The following TRPM3 variants were observed in gnomAD, a reference collection of about 807,000 sequenced individuals.
TRPM3 encodes the protein long transient receptor potential channel 3.
Under a neutral mutation model 181.2 loss-of-function variants are expected in TRPM3, and 77 were observed. That is an observed-to-expected ratio of 0.42 (90% CI 0.35 to 0.51). TRPM3 has a LOEUF of 0.51. Ranked by LOEUF, TRPM3 falls within the 20% of genes least tolerant of loss-of-function variation. TRPM3 has a pLI of 0.01. For missense variants in TRPM3, 1,759 were observed against 2,196.7 expected (o/e 0.80, Z 3.98); for synonymous variants, 745 against 796.4 (o/e 0.94, Z 1.09).
chr9:70,745,118 T>G (rs1008053668), intron 8 of TRPM3, among the ~76,000 whole-genome samples: 1 of 152,138 alleles, frequency 6.6e-6, no homozygotes. Context: ...ATAAAAATAT[T>G]TATTGAGTGC....
At chr9:70,638,936 T>C in intron 11 of TRPM3, 124 bp downstream of exon 11, 9 of 1,115,486 alleles carry the variant, frequency 8.1e-6, no homozygotes, top group Non-Finnish European at 1.1e-5. Flanking sequence ...AAGGGAGTAT[T>C]TGTGATGAAT....
intron 6 of TRPM3, among the ~76,000 whole-genome samples, chr9:70,784,801 T>C (rs1256828695): frequency 6.6e-6 from 1 of 152,224 alleles, no homozygotes; most frequent in Non-Finnish European, 1.5e-5. Flanking sequence ...TATTTTAACT[T>C]GTTGAATCAA....
chr9:71,113,768 A>C (rs1361037267), intron 1 of TRPM3, among the ~76,000 whole-genome samples: 4 of 152,224 alleles, frequency 2.6e-5, no homozygotes, highest in African/African-American at 9.6e-5. Context: ...CTCAATTTTT[A>C]ACAATAAAAA....
chr9:71,077,324 A>G (rs140989221), intron 1 of TRPM3, among the ~76,000 whole-genome samples: 10 of 152,212 alleles, frequency 6.6e-5, no homozygotes, highest in African/African-American at 2.2e-4. Context: ...CCTCCCTCCA[A>G]AGATTACTGA....
chr9:71,234,595 C>T (rs1190390257), intron 1 of TRPM3, among the ~76,000 whole-genome samples: 1 of 152,166 alleles, frequency 6.6e-6, no homozygotes, highest in Non-Finnish European at 1.5e-5. Flanking sequence ...CTCTCGGCGT[C>T]TTCACAAGGT....
chr9:71,133,523 T>C (rs2074510082), intron 1 of TRPM3, among the ~76,000 whole-genome samples: 1 of 91,458 alleles, frequency 1.1e-5, no homozygotes, highest in South Asian at 3.5e-4. Flanking sequence ...GGTCTAGAAC[T>C]CCCAACTTAG....
intron 6 of TRPM3, among the ~76,000 whole-genome samples, chr9:70,791,269 T>G (rs1411465616): frequency 6.6e-6 from 1 of 152,182 alleles, no homozygotes; most frequent in Non-Finnish European, 1.5e-5. Context: ...GCACCTAAAT[T>G]GATGCTCAGG....
chr9:70,835,097 T>C (rs1473531065), intron 5 of TRPM3, among the ~76,000 whole-genome samples: 1 of 152,094 alleles, frequency 6.6e-6, no homozygotes. Flanking sequence ...GCTCCCTCTC[T>C]CGTTATGTGG....
chr9:71,327,888 A>G (rs550286087), intron 1 of TRPM3, among the ~76,000 whole-genome samples: 1 of 152,262 alleles, frequency 6.6e-6, no homozygotes, highest in South Asian at 2.1e-4. Flanking sequence ...AGTGTCAACT[A>G]TGTGTGGTAC....
chr9:71,245,417 C>G (rs1397778464), intron 1 of TRPM3, among the ~76,000 whole-genome samples: 2 of 141,634 alleles, frequency 1.4e-5, no homozygotes, highest in Non-Finnish European at 3.0e-5. Context: ...GCACTCCAGT[C>G]TGGGTGAGAG....
intron 1 of TRPM3, among the ~76,000 whole-genome samples, chr9:71,078,495 G>C (rs902969045): frequency 3.3e-5 from 5 of 152,086 alleles, no homozygotes; most frequent in Admixed American, 2.0e-4. Flanking sequence ...ATTTTTCATG[G>C]AATGCTTTCT....
Position 71,420,991 on chromosome 9 carries a change from G to GAGAGAAAAAGAGAGAAAA in TRPM3, c.183+25644_183+25661dup, listed in dbSNP as rs1563912595. On this transcript the variant is annotated intron_variant, in intron 1 of 24. Coordinates refer to the TRPM3 transcript ENST00000357533. ...GGAGAGAAAAAGAGAGAGAAAAAGA[G>GAGAGAAAAAGAGAGAAAA]AGAGAAAAAGAGAGAAAAAGAGAGA... Among the ~76,000 whole-genome samples, 214 of 127,366 alleles carry GAGAGAAAAAGAGAGAAAA rather than the reference G, an allele frequency of 1.7e-3. 8 individuals are homozygous for GAGAGAAAAAGAGAGAAAA. Among genetic ancestry groups the GAGAGAAAAAGAGAGAAAA allele is most frequent in the Non-Finnish European group, 2.1e-3 (118 of 56,282 alleles). 83.6% of individuals were successfully genotyped at this position (127,366 alleles called of 152,430 possible).
chr9:70,794,947 G>GA (rs564002059), intron 6 of TRPM3, among the ~76,000 whole-genome samples: 1 of 151,888 alleles, frequency 6.6e-6, no homozygotes, highest in East Asian at 1.9e-4. Context: ...AAAATATTCT[G>GA]AAAAAAAATT....
At chr9:70,737,902 T>C (rs2073105491) in intron 8 of TRPM3, among the ~76,000 whole-genome samples, 1 of 152,004 alleles carries the variant, frequency 6.6e-6, no homozygotes, top group African/African-American at 2.4e-5. Context: ...AGAAATGAGA[T>C]AGACAGCAAC....
upstream of TRPM3, among the ~76,000 whole-genome samples, chr9:71,122,809 T>C (rs1330805537): frequency 3.3e-5 from 5 of 152,204 alleles, no homozygotes; most frequent in South Asian, 2.1e-4. Context: ...AGGCAGACCA[T>C]TGACCTACCT....
chr9:70,535,153 TG>T lies in TRPM3; in HGVS notation c.*799del, dbSNP rs2041445507. ...TTATTTAATTACATTCTCCTGAGCT[TG>T]CTCGACTAGACTTGAACGCCCACTG... On this transcript the variant is annotated 3_prime_UTR_variant, in exon 26 of 26. Transcript: ENST00000677713. 5.5e-6 allele frequency: 2 copies of T among 363,380 alleles called. No homozygotes were observed. The highest frequency in any genetic ancestry group is 4.2e-5 in the Admixed American group (1 of 23,650). The allele number at this position is 363,380 out of a possible 1,614,324, so 22.5% of individuals were successfully genotyped here. A position where few individuals can be genotyped will look rare whatever the true frequency, so the allele number is the denominator to read the frequency against.
chr9:71,320,058 G>A (rs1267072890), intron 1 of TRPM3, among the ~76,000 whole-genome samples: 1 of 151,498 alleles, frequency 6.6e-6, no homozygotes, highest in Non-Finnish European at 1.5e-5. Flanking sequence ...ATGAGTAAGG[G>A]TTGGGGTAGG....
In TRPM3 at chr9:70,871,801, G is replaced by T. The variant is rs768736814; in HGVS notation, c.178-7290C>A. On this transcript the variant is annotated intron_variant, in intron 1 of 25. Coordinates refer to ENST00000677713, the MANE Select transcript of TRPM3 (RefSeq NM_001366145.2). Reference sequence around the variant, plus strand: ...AATACTAACAAGAGAAAACCACAAGGGTAATGCTTACTGTGCTTCTTCCTC... The same window carrying T: ...AATACTAACAAGAGAAAACCACAAGTGTAATGCTTACTGTGCTTCTTCCTC... Among the ~76,000 whole-genome samples, 152 of 152,038 alleles carry T rather than the reference G, an allele frequency of 1.0e-3. 6 individuals are homozygous for T. Among genetic ancestry groups the T allele is most frequent in the Non-Finnish European group, 7.8e-4 (53 of 67,924 alleles).
At chr9:71,421,876 G>T (rs1240079152) in intron 1 of TRPM3, among the ~76,000 whole-genome samples, 2 of 151,940 alleles carry the variant, frequency 1.3e-5, no homozygotes, top group Non-Finnish European at 2.9e-5. Flanking sequence ...CAAATGTGTG[G>T]TTTGTCGTTG....
Sources: gnomAD v4.1 joint callset for allele counts (sites outside exome capture counted in the v4.1 genomes callset) on GRCh38, gnomAD v4.1.1 for gene constraint, MANE v1.5 for transcripts, NCBI Gene and HGNC (gene_info 2026-07-23, HGNC 2026-07-21) for gene names.